The following SCAF4 variants were observed in gnomAD, a reference collection of about 807,000 sequenced individuals.
SCAF4 encodes the protein SR-related and CTD-associated factor 4.
A neutral mutation model predicts 129.8 loss-of-function variants in SCAF4; 25 were observed. The ratio of observed to expected loss-of-function variants is 0.19; its 90% confidence interval spans 0.14 to 0.27. The LOEUF (loss-of-function observed/expected upper bound fraction) is 0.27, where lower values mean the gene tolerates loss of function less well. SCAF4 is among the 10% of genes least tolerant of loss of function. SCAF4 has a pLI of 1.00. For missense variants in SCAF4, 1,246 were observed against 1,457.1 expected (o/e 0.86, Z 2.36); for synonymous variants, 551 against 497.7 (o/e 1.11, Z -1.43).
At chr21:31,699,082 A>T (rs2050456296) in intron 7 of SCAF4, among the ~76,000 whole-genome samples, 1 of 152,212 alleles carries the variant, frequency 6.6e-6, no homozygotes, top group Admixed American at 6.5e-5. Context: ...GAAATGAAAG[A>T]CAGTCTGTCA....
chr21:31,693,220 A>G, intron 12 of SCAF4, 74 bp downstream of exon 12: 2 of 1,066,220 alleles, frequency 1.9e-6, no homozygotes, highest in Non-Finnish European at 2.6e-6. Flanking sequence ...TAGTTTTGCT[A>G]ACAGTTATAA....
chr21:31,699,529 T>C (rs2050470876), intron 7 of SCAF4, among the ~76,000 whole-genome samples: 1 of 151,904 alleles, frequency 6.6e-6, no homozygotes, highest in Non-Finnish European at 1.5e-5. Flanking sequence ...CAAGTATATA[T>C]TTCCTTTTTA....
chr21:31,681,137 GTGATCT>G (rs2049985237), intron 19 of SCAF4, among the ~76,000 whole-genome samples: 1 of 152,168 alleles, frequency 6.6e-6, no homozygotes, highest in Non-Finnish European at 1.5e-5. Context: ...CAAGTAGGAA[GTGATCT>G]TACAAATACT....
At chr21:31,697,852 A>G (rs2050426421) in intron 7 of SCAF4, among the ~76,000 whole-genome samples, 1 of 152,260 alleles carries the variant, frequency 6.6e-6, no homozygotes, top group Non-Finnish European at 1.5e-5. Context: ...AGGCCAAGTG[A>G]GTAAAGTTCT....
chr21:31,722,867 C>A (rs1048809080), intron 1 of SCAF4, among the ~76,000 whole-genome samples: 13 of 152,208 alleles, frequency 8.5e-5, no homozygotes, highest in African/African-American at 3.1e-4. Flanking sequence ...GCAAGGAAAC[C>A]GCTTGAACCC....
Position 31,731,860 on chromosome 21 carries a change from CGGCCGAGGCAGAGGCGGAG to C in SCAF4, c.-187_-169del. The C allele has an allele frequency of 5.8e-6, 4 of 686,172 alleles. No individual in the cohort carries two copies. The highest frequency in any genetic ancestry group is 8.8e-6 in the Non-Finnish European group (4 of 455,040). 42.5% of individuals were successfully genotyped at this position (686,172 alleles called of 1,614,324 possible). Reference sequence around the variant, plus strand: ...GCTGCGCCCGAAGCGGCGAGGCGGGCGGCCGAGGCAGAGGCGGAGAGGTGGCGGGCCCCCTCTCAGTCCC... The same window carrying C: ...GCTGCGCCCGAAGCGGCGAGGCGGGCAGGTGGCGGGCCCCCTCTCAGTCCC... On this transcript the variant is annotated 5_prime_UTR_variant, in exon 1 of 20. Coordinates refer to ENST00000286835, the MANE Select transcript of SCAF4 (RefSeq NM_020706.2).
At chr21:31,702,154 G>C in intron 5 of SCAF4, 90 bp downstream of exon 5, 1 of 1,538,688 alleles carries the variant, frequency 6.5e-7, no homozygotes, top group Non-Finnish European at 8.8e-7. Context: ...CCTTCTTATA[G>C]AAAAATTCCT....
At chr21:31,699,675 G>C (rs1484783933) in intron 7 of SCAF4, among the ~76,000 whole-genome samples, 1 of 152,048 alleles carries the variant, frequency 6.6e-6, no homozygotes, top group Admixed American at 6.5e-5. Context: ...TTTATAGTTA[G>C]GATGTTGGAA....
chr21:31,671,479 A>G lies in SCAF4; in HGVS notation c.3364T>C (p.Ser1122Pro). ...GVSEAAVLKP[S>P]EELPAEATSS... ...GTAGCCTCAGCAGGTAACTCTTCAG[A>G]AGGCTTTAGGACTGCAGCCTCAGAC... The change falls in exon 20 of 20, where the codon TCT (serine) becomes CCT (proline). Residue 1122 changes from serine (S) to proline (P), a missense_variant. Physicochemically the swap from Ser to Pro is moderately conservative, Grantham distance 74. This residue lies in a region of SCAF4 where 339 missense variants were observed against 325.0 expected (regional missense o/e 1.04). Transcript: ENST00000286835. The G allele has an allele frequency of 6.2e-7, 1 of 1,614,152 alleles. No individual in the cohort carries two copies. The highest frequency in any genetic ancestry group is 8.5e-7 in the Non-Finnish European group (1 of 1,180,032).
chr21:31,704,949 C>A (rs2050621609), intron 3 of SCAF4, among the ~76,000 whole-genome samples: 1 of 152,226 alleles, frequency 6.6e-6, no homozygotes, highest in South Asian at 2.1e-4. Flanking sequence ...GGGGTTAAGA[C>A]AAAGATGTCT....
chr21:31,672,142 G>T lies in SCAF4; in HGVS notation c.2701C>A (p.Pro901Thr). 1 of 1,607,304 alleles carries T rather than the reference G, an allele frequency of 6.2e-7. No homozygotes were observed. The highest frequency in any genetic ancestry group is 8.5e-7 in the Non-Finnish European group (1 of 1,175,054). ...AAGGGACCTTTCATTCCATGAGGTG[G>T]AGGCATCGCAAAGCCCCCTGGTCCT... is the stretch of plus-strand genomic sequence containing the variant. ...PPGPGGFAMP[P>T]PHGMKGPFPP... The change falls in exon 20 of 20, where the codon CCA (proline) becomes ACA (threonine). Residue 901 changes from proline (P) to threonine (T), a missense_variant. Physicochemically the swap from Pro to Thr is conservative, Grantham distance 38. Transcript: ENST00000286835.
chr21:31,677,940 G>A (rs1256032808), intron 19 of SCAF4, among the ~76,000 whole-genome samples: 1 of 152,142 alleles, frequency 6.6e-6, no homozygotes, highest in Non-Finnish European at 1.5e-5. Flanking sequence ...TACACAAACT[G>A]CTTAAGAGTT....
chr21:31,673,096 A>G (rs1183960632), intron 19 of SCAF4, among the ~76,000 whole-genome samples: 2 of 152,164 alleles, frequency 1.3e-5, no homozygotes, highest in African/African-American at 2.4e-5. Flanking sequence ...CAAAGGTGGC[A>G]AGTCTGGTAA....
At chr21:31,709,788 T>C (rs1370464757) in intron 1 of SCAF4, among the ~76,000 whole-genome samples, 2 of 151,770 alleles carry the variant, frequency 1.3e-5, no homozygotes, top group Non-Finnish European at 2.9e-5. Flanking sequence ...TTAAGTGATA[T>C]GTTGTATTTT....
intron 1 of SCAF4, among the ~76,000 whole-genome samples, chr21:31,709,321 G>A (rs1416446449): frequency 4.7e-5 from 6 of 126,920 alleles, no homozygotes; most frequent in South Asian, 5.2e-4. Context: ...AAAATACAAC[G>A]AATAAATACT....
At chr21:31,709,510 G>A (rs1295912929) in intron 1 of SCAF4, among the ~76,000 whole-genome samples, 1 of 152,072 alleles carries the variant, frequency 6.6e-6, no homozygotes, top group Admixed American at 6.6e-5. Flanking sequence ...TCAGCAGTAA[G>A]CAACTCACTA....
intron 1 of SCAF4, among the ~76,000 whole-genome samples, chr21:31,722,868 G>A (rs887583877): frequency 3.3e-5 from 5 of 152,128 alleles, no homozygotes; most frequent in South Asian, 2.1e-4. Context: ...CAAGGAAACC[G>A]CTTGAACCCA....
chr21:31,685,339 C>T, intron 18 of SCAF4, 59 bp downstream of exon 18: 1 of 1,523,342 alleles, frequency 6.6e-7, no homozygotes, highest in Non-Finnish European at 9.0e-7. Flanking sequence ...CCGCTTCACT[C>T]TCCCTCCTAC....
At chr21:31,680,325 G>C (rs2049967164) in intron 19 of SCAF4, among the ~76,000 whole-genome samples, 3 of 152,214 alleles carry the variant, frequency 2.0e-5, no homozygotes, top group Admixed American at 2.0e-4. Context: ...TCCACGCCAA[G>C]TATTTGTTCT....
Sources: gnomAD v4.1 joint callset for allele counts (sites outside exome capture counted in the v4.1 genomes callset) on GRCh38, gnomAD v4.1.1 for gene constraint, gnomAD v4.1.1 regional missense constraint, MANE v1.5 for transcripts, NCBI Gene and HGNC (gene_info 2026-07-23, HGNC 2026-07-21) for gene names.